FAM110D: variants seen among roughly 807,000 people sequenced by gnomAD.
FAM110D encodes family with sequence similarity 110 member D.
For synonymous variants in FAM110D, 174 were observed against 189.4 expected (o/e 0.92, Z 0.67); for missense variants, 376 against 395.6 (o/e 0.95, Z 0.42).
At position 26,161,928 on chromosome 1, in the gene FAM110D, T is replaced by C. The variant is rs983963475; in HGVS notation, c.637T>C (p.Ser213Pro). The change falls in exon 2 of 2, where the codon TCC (serine) becomes CCC (proline). Residue 213 changes from serine (S) to proline (P), a missense_variant. Physicochemically the swap from Ser to Pro is moderately conservative, Grantham distance 74. Transcript: ENST00000374268. The surrounding 1 kb of genome is among the most constrained non-coding windows in gnomAD (Gnocchi z 5.4). ...CTCCGGGGACGCCAGCGACTGGACA[T>C]CCAGCGACAGGGGCGTGGACAGCCC... ...PGSGDASDWTSSDRGVDSPGG... is the reference protein window; with the variant it reads ...PGSGDASDWTPSDRGVDSPGG... 54 of 1,404,104 alleles carry C rather than the reference T, an allele frequency of 3.8e-5. No individual in the cohort carries two copies. The East Asian group carries it at 1.4e-3, about 37-fold the overall frequency. 87.0% of individuals were successfully genotyped at this position (1,404,104 alleles called of 1,614,324 possible).
chr1:26,162,127 G>A lies in FAM110D; in HGVS notation c.*20G>A. On this transcript the variant is annotated 3_prime_UTR_variant, in exon 2 of 2. Coordinates refer to ENST00000374268, the MANE Select transcript of FAM110D (RefSeq NM_024869.3). This position sits in a 1 kb window ranked among gnomAD's most constrained non-coding sequence, Gnocchi z 5.3. ...GTGTGACCGCCGCGGCTCCGGACTG[G>A]CCCCGGGACTGGCCCCGGGCACGGA... is the stretch of plus-strand genomic sequence containing the variant. The A allele has an allele frequency of 8.0e-7, 1 of 1,242,520 alleles. No individual in the cohort carries two copies. The highest frequency in any genetic ancestry group is 1.0e-6 in the Non-Finnish European group (1 of 988,890). The allele number at this position is 1,242,520 out of a possible 1,614,324, so 77.0% of individuals were successfully genotyped here.
At chr1:26,159,408 T>C (rs556614476) in intron 1 of FAM110D, among the ~76,000 whole-genome samples, 2 of 151,996 alleles carry the variant, frequency 1.3e-5, no homozygotes, top group African/African-American at 4.8e-5. Context: ...ATTTTGGTCC[T>C]TGTGATTAGG....
Position 26,162,182 on chromosome 1 carries a change from T to A in FAM110D, c.*75T>A. The A allele has an allele frequency of 2.1e-6, 2 of 958,214 alleles. No individual in the cohort carries two copies. Among genetic ancestry groups the A allele is most frequent in the Non-Finnish European group, 1.4e-6 (1 of 730,618 alleles). 59.4% of individuals were successfully genotyped at this position (958,214 alleles called of 1,614,324 possible). On this transcript the variant is annotated 3_prime_UTR_variant, in exon 2 of 2. Transcript: ENST00000374268. The surrounding 1 kb of genome is among the most constrained non-coding windows in gnomAD (Gnocchi z 5.3). ...GACACCCCTCTTCTGGCGCGCTGGG[T>A]GCCTTTGCGTAAGCCCTTCCTTCTG... is the stretch of plus-strand genomic sequence containing the variant.
In FAM110D at chr1:26,162,112, C is replaced by A; in HGVS notation, c.*5C>A. ...CCGCGCGAGTCCGAGGTGTGACCGC[C>A]GCGGCTCCGGACTGGCCCCGGGACT... is the stretch of plus-strand genomic sequence containing the variant. On this transcript the variant is annotated 3_prime_UTR_variant, in exon 2 of 2. Transcript: ENST00000374268. The surrounding 1 kb of genome is among the most constrained non-coding windows in gnomAD (Gnocchi z 5.3). The A allele has an allele frequency of 7.9e-7, 1 of 1,260,780 alleles. No homozygotes were observed. The allele number at this position is 1,260,780 out of a possible 1,614,324, so 78.1% of individuals were successfully genotyped here.
Position 26,161,338 on chromosome 1 carries a change from G to A in FAM110D, c.47G>A (p.Ser16Asn), listed in dbSNP as rs761394577. 2 of 1,592,044 alleles carry A rather than the reference G, an allele frequency of 1.3e-6. No individual in the cohort carries two copies. Among genetic ancestry groups the A allele is most frequent in the South Asian group, 2.3e-5 (2 of 87,746 alleles). ...ACCCCGTCCAGAGGACGGACCCCCA[G>A]CGCCGTGGAGAGGCTGGAAGCCGAC... ...PSTPSRGRTP[S>N]AVERLEADKA... Residue 16 changes from serine (S) to asparagine (N), a missense_variant, in exon 2 of 2, where the codon AGC (serine) becomes AAC (asparagine). Physicochemically the swap from Ser to Asn is conservative, Grantham distance 46. Transcript: ENST00000374268. The surrounding 1 kb of genome is among the most constrained non-coding windows in gnomAD (Gnocchi z 5.4).
intron 1 of FAM110D, among the ~76,000 whole-genome samples, chr1:26,160,386 G>C (rs532378299): frequency 6.6e-6 from 1 of 152,064 alleles, no homozygotes; most frequent in South Asian, 2.1e-4. Context: ...GAGCCATCGC[G>C]CCTGGCCTCA....
At position 26,163,892 on chromosome 1, in the gene FAM110D, C is replaced by T. The variant is rs1303923285; in HGVS notation, c.*1785C>T. 4 of 344,860 alleles carry T rather than the reference C, an allele frequency of 1.2e-5. No homozygotes were observed. The highest frequency in any genetic ancestry group is 2.1e-5 in the Non-Finnish European group (4 of 192,772). The allele number at this position is 344,860 out of a possible 1,614,324, so 21.4% of individuals were successfully genotyped here. On this transcript the variant is annotated 3_prime_UTR_variant, in exon 2 of 2. Coordinates refer to ENST00000374268, the MANE Select transcript of FAM110D (RefSeq NM_024869.3). Reference sequence around the variant, plus strand: ...TTGAATTAAATGAGGCTGGAGAGGGCGATGGACGCAGTCCTCTGGAGCTCT... The same window carrying T: ...TTGAATTAAATGAGGCTGGAGAGGGTGATGGACGCAGTCCTCTGGAGCTCT...
chr1:26,160,122 C>T (rs572742834), intron 1 of FAM110D, among the ~76,000 whole-genome samples: 2 of 149,170 alleles, frequency 1.3e-5, no homozygotes, highest in Non-Finnish European at 3.0e-5. Context: ...GACGGAGTCT[C>T]GCTCTGTTGC....
rs773583871 is a variant in FAM110D, at chr1:26,161,896, C to T, written c.605C>T (p.Pro202Leu). 2 of 1,443,172 alleles carry T rather than the reference C, an allele frequency of 1.4e-6. No homozygotes were observed. Among genetic ancestry groups the T allele is most frequent in the South Asian group, 1.4e-5 (1 of 71,210 alleles). The allele number at this position is 1,443,172 out of a possible 1,614,324, so 89.4% of individuals were successfully genotyped here. ...DASPQAGTSP[P>L]PGSGDASDWT... ...AGCCCGCAGGCCGGAACTTCGCCGC[C>T]GCCCGGCTCCGGGGACGCCAGCGAC... Residue 202 changes from proline to leucine, a missense_variant, in exon 2 of 2, where the codon CCG becomes CTG. Pro to Leu is a moderately conservative substitution (Grantham distance 98, BLOSUM62 -3). Coordinates refer to ENST00000374268, the MANE Select transcript of FAM110D (RefSeq NM_024869.3). This position sits in a 1 kb window ranked among gnomAD's most constrained non-coding sequence, Gnocchi z 5.4.
Position 26,161,855 on chromosome 1 carries a change from C to G in FAM110D, c.564C>G (p.Ser188Arg). 6.6e-7 allele frequency: 1 copy of G among 1,516,168 alleles called. No homozygotes were observed. Among genetic ancestry groups the G allele is most frequent in the Non-Finnish European group, 8.8e-7 (1 of 1,135,722 alleles). 93.9% of individuals were successfully genotyped at this position (1,516,168 alleles called of 1,614,324 possible). A position where few individuals can be genotyped will look rare whatever the true frequency, so the allele number is the denominator to read the frequency against. Residue 188 changes from serine (S) to arginine (R), a missense_variant, in exon 2 of 2, where the codon AGC (serine) becomes AGG (arginine). Physicochemically the swap from Ser to Arg is moderately radical, Grantham distance 110. Coordinates refer to ENST00000374268, the MANE Select transcript of FAM110D (RefSeq NM_024869.3). The surrounding 1 kb of genome is among the most constrained non-coding windows in gnomAD (Gnocchi z 5.4). Reference sequence around the variant, plus strand: ...GCGCAGAGCGCTTCTCCCCGCAGAGCTGGGGAGCCGACGCCAGCCCGCAGG... The same window carrying G: ...GCGCAGAGCGCTTCTCCCCGCAGAGGTGGGGAGCCGACGCCAGCCCGCAGG... Reference protein sequence around the residue: ...VLGAERFSPQSWGADASPQAG... With the variant: ...VLGAERFSPQRWGADASPQAG...
chr1:26,159,307 AGGCTGCCTGCCAGGCTTCTAGGGCG>A (rs2088339370), intron 1 of FAM110D, among the ~76,000 whole-genome samples, 181 bp downstream of exon 1: 1 of 152,170 alleles, frequency 6.6e-6, no homozygotes, highest in South Asian at 2.1e-4. Context: ...GGAGGGCCCG[AGGCTGCCTGCCAGGCTTCTAGGGCG>A]GGATGTCTGA....
Position 26,161,220 on chromosome 1 carries a change from G to A in FAM110D, c.-72G>A. The A allele has an allele frequency of 2.8e-6, 4 of 1,412,722 alleles. No homozygotes were observed. Among genetic ancestry groups the A allele is most frequent in the Non-Finnish European group, 2.8e-6 (3 of 1,062,578 alleles). The allele number at this position is 1,412,722 out of a possible 1,614,324, so 87.5% of individuals were successfully genotyped here. On this transcript the variant is annotated 5_prime_UTR_variant, in exon 2 of 2. Transcript: ENST00000374268. The surrounding 1 kb of genome is among the most constrained non-coding windows in gnomAD (Gnocchi z 5.4). ...TTCCTCTCTCCCTGCAGGTCAGTGA[G>A]AGCCCAAGCCAATTGCTCTAGGCCC...
At position 26,162,065 on chromosome 1, in the gene FAM110D, C is replaced by T; in HGVS notation, c.774C>T (p.Gly258=). The T allele has an allele frequency of 7.9e-7, 1 of 1,271,816 alleles. No individual in the cohort carries two copies. The highest frequency in any genetic ancestry group is 9.9e-7 in the Non-Finnish European group (1 of 1,010,244). 78.8% of individuals were successfully genotyped at this position (1,271,816 alleles called of 1,614,324 possible). Residue 258 remains glycine (G), a synonymous_variant, in exon 2 of 2, where the codon GGC becomes GGT. Transcript: ENST00000374268. This position sits in a 1 kb window ranked among gnomAD's most constrained non-coding sequence, Gnocchi z 5.3. ...RNARVIQWLY[G]CQRARGPPRE... is the part of the protein sequence containing the mutation. Reference sequence around the variant, plus strand: ...CGCGCGTCATCCAGTGGCTGTACGGCTGCCAGCGCGCCCGCGGACCGCCGC... The same window carrying T: ...CGCGCGTCATCCAGTGGCTGTACGGTTGCCAGCGCGCCCGCGGACCGCCGC...
At position 26,161,705 on chromosome 1, in the gene FAM110D, G is replaced by A; in HGVS notation, c.414G>A (p.Ala138=). 3.9e-6 allele frequency: 6 copies of A among 1,549,790 alleles called. No homozygotes were observed. The highest frequency in any genetic ancestry group is 4.4e-6 in the Non-Finnish European group (5 of 1,146,762). Residue 138 remains alanine (A), a synonymous_variant, in exon 2 of 2, where the codon GCG becomes GCA. Transcript: ENST00000374268. The surrounding 1 kb of genome is among the most constrained non-coding windows in gnomAD (Gnocchi z 5.4). ...ERPAASGGWA[A]PQDAPEAAGK... is the part of the protein sequence containing the mutation. ...CTGCGGCTTCAGGGGGTTGGGCTGC[G>A]CCCCAGGATGCCCCGGAAGCGGCGG... is the stretch of plus-strand genomic sequence containing the variant.
Position 26,160,503 on chromosome 1 carries a change from G to A in FAM110D, c.-80-709G>A, listed in dbSNP as rs1171438880. 2.6e-5 allele frequency among the ~76,000 whole-genome samples: 4 copies of A among 152,148 alleles called. 1 individual carries two copies. Among genetic ancestry groups the A allele is most frequent in the Non-Finnish European group, 1.5e-5 (1 of 68,020 alleles). Reference sequence around the variant, plus strand: ...TAAAGAAAAAAAAAAAAGAAACCTGGGTTCCAGTCCTGGCTCCTAACTCTC... The same window carrying A: ...TAAAGAAAAAAAAAAAAGAAACCTGAGTTCCAGTCCTGGCTCCTAACTCTC... On this transcript the variant is annotated intron_variant, in intron 1 of 1. Transcript: ENST00000374268.
intron 1 of FAM110D, among the ~76,000 whole-genome samples, chr1:26,159,923 A>G (rs1018799974): frequency 6.6e-6 from 1 of 152,148 alleles, no homozygotes; most frequent in African/African-American, 2.4e-5. Context: ...TCTTAGGATA[A>G]AAAAGGGACA....
chr1:26,162,911 G>A lies in FAM110D; in HGVS notation c.*804G>A, dbSNP rs1219001200. ...AATCCCAGCACTTTGGGAGGCTGAG[G>A]AGGGTAGATCACGAGATCAGGAGTT... On this transcript the variant is annotated 3_prime_UTR_variant, in exon 2 of 2. Coordinates refer to ENST00000374268, the MANE Select transcript of FAM110D (RefSeq NM_024869.3). The surrounding 1 kb of genome is among the most constrained non-coding windows in gnomAD (Gnocchi z 5.3). 1 of 152,222 alleles carries A rather than the reference G, an allele frequency of 6.6e-6. No individual in the cohort carries two copies. The highest frequency in any genetic ancestry group is 6.5e-5 in the Admixed American group (1 of 15,286). 9.4% of individuals were successfully genotyped at this position (152,222 alleles called of 1,614,324 possible).
Position 26,161,063 on chromosome 1 carries a change from G to A in FAM110D, c.-80-149G>A. 2.0e-6 allele frequency: 1 copy of A among 501,194 alleles called. No individual in the cohort carries two copies. The highest frequency in any genetic ancestry group is 3.5e-6 in the Non-Finnish European group (1 of 283,030). The allele number at this position is 501,194 out of a possible 1,614,324, so 31.0% of individuals were successfully genotyped here. ...TCAATGTCTCTGAAGGACAGGGAAA[G>A]GGGATGGCCTGAGCCTCTGCTCCCT... On this transcript the variant is annotated intron_variant, in intron 1 of 1. Transcript: ENST00000374268. This position sits in a 1 kb window ranked among gnomAD's most constrained non-coding sequence, Gnocchi z 5.4.
rs2088389125 is a variant in FAM110D at position 26,163,301 on chromosome 1, TG to T, written c.*1195del. ...ATGCACCTCCTTCCTTTGCCTGGGT[TG>T]CCGTTCCTTTTCTCTCTGCTCTTCC... On this transcript the variant is annotated 3_prime_UTR_variant, in exon 2 of 2. Transcript: ENST00000374268. 2 of 152,098 alleles carry T rather than the reference TG, an allele frequency of 1.3e-5. No homozygotes were observed. Among genetic ancestry groups the T allele is most frequent in the South Asian group, 4.2e-4 (2 of 4,796 alleles). The allele number at this position is 152,098 out of a possible 1,614,324, so 9.4% of individuals were successfully genotyped here.
Sources: allele counts gnomAD v4.1 joint callset (sites outside exome capture counted in the v4.1 genomes callset), GRCh38; gene constraint gnomAD v4.1.1; non-coding constraint Gnocchi (gnomAD v3.1); transcripts MANE v1.5; gene names NCBI Gene and HGNC (gene_info 2026-07-23, HGNC 2026-07-21).